Variants in SEMA3A observed in about 807,000 individuals in gnomAD.
The protein encoded by SEMA3A is semaphorin-3A.
In SEMA3A, 29 loss-of-function variants were observed where a neutral mutation model predicts 97.9. The ratio of observed to expected loss-of-function variants is 0.30; its 90% CI spans 0.22 to 0.40. The LOEUF is 0.40. Among genes scored for constraint, SEMA3A ranks in the 10% least tolerant of loss-of-function variants. The probability of loss-of-function intolerance (pLI) is 1.00; values close to 1 mark genes in which losing one functional copy is unlikely to be tolerated. For synonymous variants in SEMA3A, 321 were observed against 323.7 expected (o/e 0.99, Z 0.09); for missense variants, 763 against 951.3 (o/e 0.80, Z 2.60).
At chr7:84,203,519 TATATATA>T (rs1366529427) in intron 3 of SEMA3A, among the ~76,000 whole-genome samples, 1 of 60,494 alleles carries the variant, frequency 1.7e-5, no homozygotes, top group African/African-American at 6.4e-5. Flanking sequence ...TATATATATA[TATATATA>T]TTTTTTTTTT....
At chr7:84,406,096 C>G (rs375409422) in intron 1 of SEMA3A, among the ~76,000 whole-genome samples, 1 of 152,022 alleles carries the variant, frequency 6.6e-6, no homozygotes, top group Admixed American at 6.6e-5. Context: ...TTCAAAAAAT[C>G]AATGAATCCA....
intron 2 of SEMA3A, among the ~76,000 whole-genome samples, chr7:84,317,293 T>G (rs1275671807): frequency 6.6e-6 from 1 of 152,190 alleles, no homozygotes; most frequent in African/African-American, 2.4e-5. Context: ...TCTGTTTCAC[T>G]CTCTGATTTT....
At chr7:84,434,320 T>C (rs1162815350) in intron 1 of SEMA3A, among the ~76,000 whole-genome samples, 5 of 151,964 alleles carry the variant, frequency 3.3e-5, no homozygotes, top group Non-Finnish European at 5.9e-5. Flanking sequence ...CAGGAAGAAA[T>C]TGAAACCCTA....
At chr7:84,354,817 T>C (rs977092559) in intron 2 of SEMA3A, among the ~76,000 whole-genome samples, 10 of 151,728 alleles carry the variant, frequency 6.6e-5, no homozygotes, top group African/African-American at 2.2e-4. Flanking sequence ...AGTTGTATAA[T>C]TGGTGTTTTT....
At chr7:84,388,064 T>A (rs888760874) in intron 1 of SEMA3A, among the ~76,000 whole-genome samples, 3 of 152,168 alleles carry the variant, frequency 2.0e-5, no homozygotes, top group Non-Finnish European at 4.4e-5. Flanking sequence ...TTAAAAAAGA[T>A]GCTTAAGGCA....
At chr7:83,965,667 T>TATAA (rs1174121912) in intron 15 of SEMA3A, among the ~76,000 whole-genome samples, 1 of 10,018 alleles carries the variant, frequency 1.0e-4, no homozygotes, top group Non-Finnish European at 1.9e-4. Flanking sequence ...TATATATATA[T>TATAA]TTTTTTTTTT....
chr7:84,382,235 G>A (rs1479790688), intron 1 of SEMA3A, among the ~76,000 whole-genome samples: 1 of 151,824 alleles, frequency 6.6e-6, no homozygotes, highest in Admixed American at 6.6e-5. Flanking sequence ...AGCCTCCCTA[G>A]TAGCTGGGAT....
At chr7:84,379,811 T>A (rs1362558550) in intron 1 of SEMA3A, among the ~76,000 whole-genome samples, 2 of 152,234 alleles carry the variant, frequency 1.3e-5, no homozygotes, top group African/African-American at 4.8e-5. Flanking sequence ...TTTTCCTTCA[T>A]ATGTTACTGC....
chr7:84,360,270 G>A (rs1227786442), intron 2 of SEMA3A, among the ~76,000 whole-genome samples: 1 of 151,842 alleles, frequency 6.6e-6, no homozygotes, highest in East Asian at 1.9e-4. Flanking sequence ...TCTCTTGTGG[G>A]CATTTAGTGC....
chr7:84,091,172 GAAAGAAAGAAAGAAA>G (rs1583950338), intron 4 of SEMA3A, among the ~76,000 whole-genome samples: 1,344 of 36,416 alleles, frequency 0.037, 22 homozygotes, highest in African/African-American at 0.08. Context: ...AGGAAGGAAA[GAAAGAAAGAAAGAAA>G]GAAAGAAAGA....
chr7:83,995,977 G>T (rs1200981597), intron 12 of SEMA3A, among the ~76,000 whole-genome samples: 1 of 152,132 alleles, frequency 6.6e-6, no homozygotes. Context: ...ATGGAATACT[G>T]CATAAATTGG....
intron 3 of SEMA3A, among the ~76,000 whole-genome samples, chr7:84,297,300 A>G (rs1181087702): frequency 1.3e-5 from 2 of 152,056 alleles, no homozygotes; most frequent in African/African-American, 4.8e-5. Flanking sequence ...CACTTGGTAA[A>G]GCAGTACTTA....
At chr7:83,982,207 C>A (rs1249451029) in intron 13 of SEMA3A, among the ~76,000 whole-genome samples, 1 of 152,094 alleles carries the variant, frequency 6.6e-6, no homozygotes, top group East Asian at 1.9e-4. Context: ...CCTGTGTGAT[C>A]TTGAGCTATT....
chr7:84,284,836 C>T (rs1800539607), intron 3 of SEMA3A, among the ~76,000 whole-genome samples: 1 of 151,990 alleles, frequency 6.6e-6, no homozygotes, highest in Non-Finnish European at 1.5e-5. Context: ...GGAATAAAAG[C>T]CAAACACACA....
chr7:84,029,071 G>A (rs1413607413), intron 6 of SEMA3A, among the ~76,000 whole-genome samples: 1 of 152,170 alleles, frequency 6.6e-6, no homozygotes, highest in East Asian at 1.9e-4. Context: ...ATATAGTGCT[G>A]AGCACAAAAC....
At chr7:84,418,929 A>G (rs116860217) in intron 1 of SEMA3A, among the ~76,000 whole-genome samples, 6,895 of 151,452 alleles carry the variant, frequency 0.046, 211 homozygotes, top group South Asian at 0.076. Flanking sequence ...ACACATATAT[A>G]TATACATATA....
chr7:84,454,747 T>C (rs1267207351), intron 1 of SEMA3A, among the ~76,000 whole-genome samples: 2 of 151,146 alleles, frequency 1.3e-5, no homozygotes, highest in East Asian at 3.9e-4. Flanking sequence ...TTGACTCTGA[T>C]TTTTCCTGCC....
rs1788449202 is a variant in SEMA3A, at chr7:83,961,052, T to C, written c.*319A>G. 6.5e-6 allele frequency: 2 copies of C among 309,010 alleles called. No individual in the cohort carries two copies. The highest frequency in any genetic ancestry group is 7.2e-5 in the South Asian group (2 of 27,870). The allele number at this position is 309,010 out of a possible 1,614,324, so 19.1% of individuals were successfully genotyped here. ...AGTTTTTCTCCTTTAGATGGCAATA[T>C]GGCAAATGACATTTTTATTTCTCAG... On this transcript the variant is annotated 3_prime_UTR_variant, in exon 17 of 17. Transcript: ENST00000265362.
At chr7:84,285,423 T>C (rs1411185927) in intron 3 of SEMA3A, among the ~76,000 whole-genome samples, 2 of 152,202 alleles carry the variant, frequency 1.3e-5, no homozygotes, top group Non-Finnish European at 2.9e-5. Flanking sequence ...ATTTAATTTT[T>C]AAAACATGCA....
Sources: gnomAD v4.1 joint callset for allele counts (sites outside exome capture counted in the v4.1 genomes callset) on GRCh38, gnomAD v4.1.1 for gene constraint, MANE v1.5 for transcripts, NCBI Gene and HGNC (gene_info 2026-07-23, HGNC 2026-07-21) for gene names.